ALDH4A1: variants seen among roughly 807,000 people sequenced by gnomAD.
The protein encoded by ALDH4A1 is aldehyde dehydrogenase 4 family member A1.
ALDH4A1 carries 46 observed loss-of-function variants against 70.5 expected under a neutral mutation model. That is an observed-to-expected ratio of 0.65 (90% CI 0.51 to 0.83). The LOEUF is 0.83. Among genes scored for constraint, ALDH4A1 ranks in the 40% least tolerant of loss-of-function variants. The pLI, the probability that ALDH4A1 is intolerant of heterozygous loss-of-function variation, is 0.00. For missense variants in ALDH4A1, 749 were observed against 766.5 expected, an observed-to-expected ratio of 0.98 and a Z score of 0.27; for synonymous variants, 323 against 324.3, an observed-to-expected ratio of 1.00 and a Z score of 0.04.
chr1:18,881,648 G>C, intron 8 of ALDH4A1, 52 bp downstream of exon 8: 1 of 1,473,022 alleles, frequency 6.8e-7, no homozygotes, highest in Middle Eastern at 1.7e-4. Flanking sequence ...CAGCAGGTGA[G>C]CAGGTGAACG....
At chr1:18,877,167 G>A (rs1288559304) in intron 11 of ALDH4A1, 41 bp downstream of exon 11, 1 of 1,594,944 alleles carries the variant, frequency 6.3e-7, no homozygotes, top group Admixed American at 1.7e-5. Flanking sequence ...CCCACTCCAG[G>A]GCTTGCCCCC....
In ALDH4A1 at chr1:18,899,826, G is replaced by A. The variant is rs576188087; in HGVS notation, c.62+2636C>T. Among the ~76,000 whole-genome samples, 5 of 152,314 alleles carry A rather than the reference G, an allele frequency of 3.3e-5. No individual in the cohort carries two copies. In the East Asian group the frequency reaches 5.8e-4, roughly 18 times the overall value. Reference sequence around the variant, plus strand: ...CCTGAGGCTGGCCGTGATAAATATCGATTGACAAGGAAGGGCTCACATGAT... The same window carrying A: ...CCTGAGGCTGGCCGTGATAAATATCAATTGACAAGGAAGGGCTCACATGAT... On this transcript the variant is annotated intron_variant, in intron 1 of 14. Transcript: ENST00000375341.
In ALDH4A1 at chr1:18,879,474, G is replaced by T. The variant is rs116422915; in HGVS notation, c.867-101C>A. On this transcript the variant is annotated intron_variant, in intron 8 of 14. Coordinates refer to ENST00000375341, the MANE Select transcript of ALDH4A1 (RefSeq NM_003748.4). ...ATTGCCGGGGGCAGCCCAGCAGGAG[G>T]TGGGAGCCAAGTCGGGGATGGCGGC... is the stretch of plus-strand genomic sequence containing the variant. The T allele has an allele frequency of 5.0e-5, 53 of 1,061,976 alleles. No individual in the cohort carries two copies. The African/African-American group carries it at 8.0e-4, about 16-fold the overall frequency. The allele number at this position is 1,061,976 out of a possible 1,614,324, so 65.8% of individuals were successfully genotyped here.
At chr1:18,877,859 G>A (rs1934786033) in intron 9 of ALDH4A1, among the ~76,000 whole-genome samples, 1 of 152,196 alleles carries the variant, frequency 6.6e-6, no homozygotes, top group African/African-American at 2.4e-5. Context: ...GAGGTGATCA[G>A]GTCCAACAGC....
chr1:18,897,839 C>T lies in ALDH4A1; in HGVS notation c.62+4623G>A, dbSNP rs137857722. The stretch of plus-strand genomic sequence containing the variant: ...AACCTCATTTCCACCTGAGGAAAGC[C>T]GCCGCCCCAAGGTGGGCAGTGACTT... On this transcript the variant is annotated intron_variant, in intron 1 of 14. Transcript: ENST00000375341. Among the ~76,000 whole-genome samples, 19 of 152,302 alleles carry T rather than the reference C, an allele frequency of 1.2e-4. No individual in the cohort carries two copies. The Middle Eastern group carries it at 0.017, about 136-fold the overall frequency.
intron 14 of ALDH4A1, among the ~76,000 whole-genome samples, chr1:18,874,253 G>C (rs1569713655): frequency 6.6e-6 from 1 of 152,232 alleles, no homozygotes; most frequent in Admixed American, 6.5e-5. Flanking sequence ...ATGTGGCCTT[G>C]AGCCTCAGTT....
At chr1:18,873,559 C>T (rs535305810) in intron 14 of ALDH4A1, among the ~76,000 whole-genome samples, 1 of 152,138 alleles carries the variant, frequency 6.6e-6, no homozygotes, top group Non-Finnish European at 1.5e-5. Flanking sequence ...TTGAATCAAT[C>T]GTGCCTGTGT....
At chr1:18,897,568 A>AAC (rs1285890192) in intron 1 of ALDH4A1, among the ~76,000 whole-genome samples, 2 of 152,098 alleles carry the variant, frequency 1.3e-5, no homozygotes, top group Non-Finnish European at 2.9e-5. Context: ...CAAAAAACGA[A>AAC]ACACTCTGTT....
chr1:18,885,455 G>GCCCCCCCCCC lies in ALDH4A1; in HGVS notation c.453+17_453+18insGGGGGGGGGG. 6.8e-6 allele frequency: 2 copies of GCCCCCCCCCC among 292,246 alleles called. No individual in the cohort carries two copies. The highest frequency in any genetic ancestry group is 5.5e-6 in the Non-Finnish European group (1 of 181,764). The allele number at this position is 292,246 out of a possible 1,614,324, so 18.1% of individuals were successfully genotyped here. A position where few individuals can be genotyped will look rare whatever the true frequency, so the allele number is the denominator to read the frequency against. On this transcript the variant is annotated intron_variant, in intron 5 of 14. Transcript: ENST00000375341. ...CACCCCACCCCGCCCCACCCACCCG[G>GCCCCCCCCCC]GCCCACCAGCACCTCACCTGTCCCA...
chr1:18,878,059 C>A (rs11487490), intron 9 of ALDH4A1, among the ~76,000 whole-genome samples: 1 of 152,114 alleles, frequency 6.6e-6, no homozygotes, highest in Admixed American at 6.5e-5. Context: ...CCCCTCCTCC[C>A]CACGCGTGCT....
At chr1:18,875,250 C>T in intron 13 of ALDH4A1, 132 bp downstream of exon 13, 1 of 1,474,470 alleles carries the variant, frequency 6.8e-7, no homozygotes, top group Non-Finnish European at 9.4e-7. Context: ...GGCTGCCTGT[C>T]TGGGCTGAGG....
chr1:18,895,444 A>G (rs2100607238), intron 1 of ALDH4A1, among the ~76,000 whole-genome samples: 2 of 151,974 alleles, frequency 1.3e-5, no homozygotes, highest in Admixed American at 1.3e-4. Context: ...GTACCGTTTC[A>G]CCTCCTGCAG....
At position 18,882,449 on chromosome 1, in the gene ALDH4A1, C is replaced by T. The variant is rs538010616; in HGVS notation, c.679-562G>A. 5.9e-4 allele frequency: 266 copies of T among 454,654 alleles called. 2 individuals carry two copies. Among genetic ancestry groups the T allele is most frequent in the African/African-American group, 4.5e-3 (230 of 50,714 alleles). The allele number at this position is 454,654 out of a possible 1,614,324, so 28.2% of individuals were successfully genotyped here. A position where few individuals can be genotyped will look rare whatever the true frequency, so the allele number is the denominator to read the frequency against. ...CCCAGGCTGTCTGGGAGCTGGGCTG[C>T]ACCTCCCCCACAGGCCTGGGACTTC... On this transcript the variant is annotated intron_variant, in intron 7 of 14. Coordinates refer to ENST00000375341, the MANE Select transcript of ALDH4A1 (RefSeq NM_003748.4).
chr1:18,888,265 C>T (rs1351240133), intron 3 of ALDH4A1, among the ~76,000 whole-genome samples: 1 of 152,176 alleles, frequency 6.6e-6, no homozygotes, highest in African/African-American at 2.4e-5. Context: ...ACTCTGTATT[C>T]GGGCCACACC....
At chr1:18,877,907 C>T (rs1256160950) in intron 9 of ALDH4A1, among the ~76,000 whole-genome samples, 1 of 152,224 alleles carries the variant, frequency 6.6e-6, no homozygotes, top group African/African-American at 2.4e-5. Flanking sequence ...CTACCCAACA[C>T]AACAGCAGAG....
intron 1 of ALDH4A1, chr1:18,896,958 A>C (rs1046502213): frequency 2.3e-6 from 1 of 426,892 alleles, no homozygotes; most frequent in African/African-American, 2.1e-5. Flanking sequence ...TGCCCAGCAA[A>C]CATCAGGCAA....
At chr1:18,882,708 G>A (rs190284889) in intron 7 of ALDH4A1, 29 of 557,356 alleles carry the variant, frequency 5.2e-5, no homozygotes, top group East Asian at 4.9e-4. Flanking sequence ...TCTCCATGCC[G>A]TGCTTGACAG....
chr1:18,885,374 G>C, intron 5 of ALDH4A1, 99 bp downstream of exon 5: 1 of 1,301,624 alleles, frequency 7.7e-7, no homozygotes, highest in South Asian at 1.3e-5. Context: ...AAGGGCTTAG[G>C]ACCCAGAAGC....
chr1:18,877,230 A>C lies in ALDH4A1; in HGVS notation c.1163T>G (p.Phe388Cys). Reference sequence around the variant, plus strand: ...TACCTTGGCATCAATCACTGCAGAGAAGAAGGTCCCAAAATCCTCTGCAGG... The same window carrying C: ...TACCTTGGCATCAATCACTGCAGAGCAGAAGGTCCCAAAATCCTCTGCAGG... ...GDPAEDFGTF[F>C]SAVIDAKSFA... The change falls in exon 11 of 15, where the codon TTC becomes TGC. Residue 388 changes from phenylalanine to cysteine, a missense_variant. Coordinates refer to ENST00000375341, the MANE Select transcript of ALDH4A1 (RefSeq NM_003748.4). The C allele has an allele frequency of 1.2e-6, 2 of 1,608,592 alleles. No homozygotes were observed. The highest frequency in any genetic ancestry group is 1.7e-6 in the Non-Finnish European group (2 of 1,177,410).
Sources: gnomAD v4.1 joint callset for allele counts (sites outside exome capture counted in the v4.1 genomes callset) on GRCh38, gnomAD v4.1.1 for gene constraint, MANE v1.5 for transcripts, NCBI Gene and HGNC (gene_info 2026-07-23, HGNC 2026-07-21) for gene names.